NEIL1: variants seen among roughly 807,000 people sequenced by gnomAD.
NEIL1 encodes endonuclease 8-like 1.
NEIL1 carries 31 observed loss-of-function variants against 44.2 expected under a neutral mutation model. The ratio of observed to expected loss-of-function variants is 0.70; its 90% CI spans 0.53 to 0.95. NEIL1 has a LOEUF of 0.95. Ranked by LOEUF, NEIL1 falls within the 40% of genes least tolerant of loss-of-function variation. NEIL1 has a pLI of 0.00. For synonymous variants in NEIL1, 254 were observed against 209.7 expected (o/e 1.21, Z -1.83); for missense variants, 549 against 515.5 (o/e 1.07, Z -0.63).
chr15:75,349,853 G>A (rs2071745138), intron 2 of NEIL1, among the ~76,000 whole-genome samples: 1 of 152,042 alleles, frequency 6.6e-6, no homozygotes, highest in Non-Finnish European at 1.5e-5. Context: ...GGAGGAGAGA[G>A]GAGAGCCAAG....
intron 5 of NEIL1, 98 bp downstream of exon 5, chr15:75,352,799 T>C (rs751744504): frequency 1.0e-5 from 10 of 986,232 alleles, no homozygotes; most frequent in Non-Finnish European, 1.4e-5. Flanking sequence ...ATTTGGAAGT[T>C]TGTAGCCCTA....
intron 9 of NEIL1, 55 bp downstream of exon 9, chr15:75,354,873 T>C (rs2072230573): frequency 6.2e-7 from 1 of 1,612,756 alleles, no homozygotes; most frequent in African/African-American, 1.3e-5. Flanking sequence ...GATGGGATGG[T>C]GGCCTAGGAG....
At chr15:75,352,441 G>T in intron 4 of NEIL1, 54 bp downstream of exon 4, 2 of 1,605,376 alleles carry the variant, frequency 1.2e-6, no homozygotes, top group Non-Finnish European at 1.7e-6. Context: ...GTCCACATGG[G>T]CCGGCAAGGA....
In NEIL1 at chr15:75,356,123, G is replaced by A; in HGVS notation, c.*1089G>A. 1 of 1,613,806 alleles carries A rather than the reference G, an allele frequency of 6.2e-7. No individual in the cohort carries two copies. The highest frequency in any genetic ancestry group is 1.1e-5 in the South Asian group (1 of 91,074). ...ACCGCCACTCACAGGATGGCCTCCT[G>A]AACCGGCAGCGACAAGTGCAGCCAG... On this transcript the variant is annotated 3_prime_UTR_variant, in exon 10 of 10. Coordinates refer to ENST00000355059, the MANE Select transcript of NEIL1 (RefSeq NM_024608.4). This position sits in a 1 kb window ranked among gnomAD's most constrained non-coding sequence, Gnocchi z 5.8.
chr15:75,352,727 C>A, intron 5 of NEIL1, 26 bp downstream of exon 5: 1 of 1,562,660 alleles, frequency 6.4e-7, no homozygotes. Flanking sequence ...GCAGCAACCT[C>A]TGCTTCAGCA....
Position 75,356,202 on chromosome 15 carries a change from CTGGGGG to C in NEIL1, c.*1169_*1174del. The C allele has an allele frequency of 1.2e-6, 2 of 1,613,332 alleles. No homozygotes were observed. The highest frequency in any genetic ancestry group is 1.7e-6 in the Non-Finnish European group (2 of 1,179,910). On this transcript the variant is annotated 3_prime_UTR_variant, in exon 10 of 10. Coordinates refer to ENST00000355059, the MANE Select transcript of NEIL1 (RefSeq NM_024608.4). This position sits in a 1 kb window ranked among gnomAD's most constrained non-coding sequence, Gnocchi z 5.8. The stretch of plus-strand genomic sequence containing the variant: ...ACAGCCTCAGGACCAGCGAGCGGCG[CTGGGGG>C]CTGCTCTCCGCCTGCAGAGGAACAC...
rs373356672 is a variant in NEIL1, at chr15:75,354,442, C to T, written c.886C>T (p.Arg296Cys). Residue 296 changes from arginine (R) to cysteine (C), a missense_variant, in exon 8 of 10, where the codon CGC (arginine) becomes TGC (cysteine). Coordinates refer to ENST00000355059, the MANE Select transcript of NEIL1 (RefSeq NM_024608.4). Reference sequence around the variant, plus strand: ...CCAGTGTCCTGCAGGGCGCAAGTCCCGCAAAAAGAAATCCAAGGCCACACA... The same window carrying T: ...CCAGTGTCCTGCAGGGCGCAAGTCCTGCAAAAAGAAATCCAAGGCCACACA... ...GPLAPKGRKS[R>C]KKKSKATQLS... is the part of the protein sequence containing the mutation. 6.2e-6 allele frequency: 10 copies of T among 1,614,016 alleles called. No individual in the cohort carries two copies. The highest frequency in any genetic ancestry group is 3.3e-5 in the Admixed American group (2 of 60,002).
In NEIL1 at chr15:75,354,739, G is replaced by A; in HGVS notation, c.1023G>A (p.Glu341=). The A allele has an allele frequency of 6.2e-7, 1 of 1,614,160 alleles. No individual in the cohort carries two copies. Among genetic ancestry groups the A allele is most frequent in the Non-Finnish European group, 8.5e-7 (1 of 1,180,040 alleles). The change falls in exon 9 of 10, where the codon GAG becomes GAA. Residue 341 remains glutamate, a synonymous_variant. Coordinates refer to ENST00000355059, the MANE Select transcript of NEIL1 (RefSeq NM_024608.4). ...LPKRTATQRP[E]GTSLQQDPEA... is the part of the protein sequence containing the mutation. Reference sequence around the variant, plus strand: ...AGAGGACTGCAACCCAGCGGCCTGAGGGGACCAGCCTCCAGCAGGACCCAG... The same window carrying A: ...AGAGGACTGCAACCCAGCGGCCTGAAGGGACCAGCCTCCAGCAGGACCCAG...
chr15:75,354,242 C>G lies in NEIL1; in HGVS notation c.847-8C>G, dbSNP rs1422930239. ...GCTGATTCCTGAATTATCCCCATCC[C>G]ATTTTAGGGGGATCCTGGACCGTTG... is the stretch of plus-strand genomic sequence containing the variant. On this transcript the variant is annotated splice_region_variant and splice_polypyrimidine_tract_variant and intron_variant, in intron 6 of 9. Transcript: ENST00000355059. 6.2e-7 allele frequency: 1 copy of G among 1,613,962 alleles called. No individual in the cohort carries two copies. Among genetic ancestry groups the G allele is most frequent in the Non-Finnish European group, 8.5e-7 (1 of 1,179,976 alleles).
At chr15:75,352,077 A>G in intron 2 of NEIL1, 34 bp from the exon 3 acceptor site, 1 of 1,610,810 alleles carries the variant, frequency 6.2e-7, no homozygotes, top group Non-Finnish European at 8.5e-7. Context: ...GAGGGTGGGG[A>G]TGGGTCTTAC....
chr15:75,352,456 G>A (rs1273973773), intron 4 of NEIL1, 69 bp downstream of exon 4: 1 of 1,588,226 alleles, frequency 6.3e-7, no homozygotes, highest in East Asian at 2.2e-5. Flanking sequence ...CAAGGAGATG[G>A]GTGGGGTCAG....
intron 5 of NEIL1, 113 bp from the exon 6 acceptor site, chr15:75,353,626 T>C (rs1325646305): frequency 1.0e-6 from 1 of 998,160 alleles, no homozygotes. Flanking sequence ...GTGTGGCCCC[T>C]GACTCAGTCC....
At position 75,354,987 on chromosome 15, in the gene NEIL1, A is replaced by G. The variant is rs1398131366; in HGVS notation, c.1126A>G (p.Lys376Glu). 1.2e-6 allele frequency: 2 copies of G among 1,614,058 alleles called. No homozygotes were observed. The highest frequency in any genetic ancestry group is 1.1e-5 in the South Asian group (1 of 91,058). Reference sequence around the variant, plus strand: ...AGGCCACTGCAGACCCCGGAAGGTCAAGGCTGACATCCCATCCTTGGAACC... The same window carrying G: ...AGGCCACTGCAGACCCCGGAAGGTCGAGGCTGACATCCCATCCTTGGAACC... ...ASGHCRPRKVKADIPSLEPEG... is the reference protein window; with the variant it reads ...ASGHCRPRKVEADIPSLEPEG... Residue 376 changes from lysine to glutamate, a missense_variant, in exon 10 of 10, where the codon AAG becomes GAG. Transcript: ENST00000355059.
rs1595861633 is a variant in NEIL1 at position 75,352,228 on chromosome 15, C to T, written c.552C>T (p.Tyr184=). ...IGNYLRAEIL[Y]RLKIPPFEKA... ...ACTATCTGCGGGCAGAGATCCTGTA[C>T]CGGTCAGCAAGCAGGCATGGGCATG... The change falls in exon 3 of 10, where the codon TAC becomes TAT. Residue 184 remains tyrosine, a splice_region_variant and synonymous_variant. Coordinates refer to ENST00000355059, the MANE Select transcript of NEIL1 (RefSeq NM_024608.4). 6.2e-7 allele frequency: 1 copy of T among 1,614,254 alleles called. No individual in the cohort carries two copies. The highest frequency in any genetic ancestry group is 2.2e-5 in the East Asian group (1 of 44,886).
At chr15:75,352,024 G>C in intron 2 of NEIL1, 87 bp from the exon 3 acceptor site, 1 of 1,349,680 alleles carries the variant, frequency 7.4e-7, no homozygotes, top group South Asian at 1.2e-5. Context: ...CCTTCCCCTT[G>C]CACCCAGAAA....
chr15:75,356,709 G>A lies in NEIL1; in HGVS notation c.*1675G>A. On this transcript the variant is annotated 3_prime_UTR_variant, in exon 10 of 10. Coordinates refer to ENST00000355059, the MANE Select transcript of NEIL1 (RefSeq NM_024608.4). The surrounding 1 kb of genome is among the most constrained non-coding windows in gnomAD (Gnocchi z 5.8). ...AGCTGGGGTGAGGAGGGCGCGTAGGGGCCACGCTGAAGCTGTTGGAGTTGT... is the reference window on the plus strand; with the variant it reads ...AGCTGGGGTGAGGAGGGCGCGTAGGAGCCACGCTGAAGCTGTTGGAGTTGT... The A allele has an allele frequency of 6.2e-7, 1 of 1,610,640 alleles. No individual in the cohort carries two copies. The highest frequency in any genetic ancestry group is 8.5e-7 in the Non-Finnish European group (1 of 1,178,618).
At position 75,349,088 on chromosome 15, in the gene NEIL1, C is replaced by T; in HGVS notation, c.183C>T (p.Ser61=). The T allele has an allele frequency of 1.9e-6, 3 of 1,612,744 alleles. No homozygotes were observed. The highest frequency in any genetic ancestry group is 2.5e-6 in the Non-Finnish European group (3 of 1,179,952). Residue 61 remains serine (S), a synonymous_variant, in exon 2 of 10, where the codon AGC becomes AGT. Transcript: ENST00000355059. The stretch of plus-strand genomic sequence containing the variant: ...GCAAGGAGCTGCGCCTGATACTGAG[C>T]CCTCTGCCTGGGGCCCAGCCCCAAC... The part of the protein sequence containing the change: ...ARGKELRLIL[S]PLPGAQPQQE...
At chr15:75,348,277 A>G (rs2071600142) in intron 1 of NEIL1, 3 of 967,716 alleles carry the variant, frequency 3.1e-6, no homozygotes, top group Non-Finnish European at 3.7e-6. Context: ...CAAGCGGCCG[A>G]TTCGGCCGCT....
chr15:75,349,388 G>C (rs1595854177), intron 2 of NEIL1, 49 bp downstream of exon 2: 1 of 1,525,792 alleles, frequency 6.6e-7, no homozygotes, highest in South Asian at 1.2e-5. Context: ...CTCCACACCT[G>C]ACTCTCTTAG....
Sources: allele counts gnomAD v4.1 joint callset (sites outside exome capture counted in the v4.1 genomes callset), GRCh38; gene constraint gnomAD v4.1.1; non-coding constraint Gnocchi (gnomAD v3.1); transcripts MANE v1.5; gene names NCBI Gene and HGNC (gene_info 2026-07-23, HGNC 2026-07-21).